Variants in CTSO observed in about 807,000 individuals in gnomAD.
CTSO encodes cathepsin O.
CTSO carries 40 observed loss-of-function variants against 42.4 expected under a neutral mutation model. The ratio of observed to expected loss-of-function variants is 0.94; its 90% CI spans 0.73 to 1.23. The LOEUF is 1.23. Ranked by LOEUF, CTSO falls within the 50% of genes most tolerant of loss-of-function variation. The pLI is 0.00. For missense variants in CTSO, 441 were observed against 396.0 expected, an observed-to-expected ratio of 1.11 and a Z score of -0.96; for synonymous variants, 156 against 146.2, an observed-to-expected ratio of 1.07 and a Z score of -0.48.
chr4:155,947,299 A>G (rs1743565717), intron 1 of CTSO, among the ~76,000 whole-genome samples: 1 of 152,234 alleles, frequency 6.6e-6, no homozygotes, highest in African/African-American at 2.4e-5. Context: ...GAAATAAAAT[A>G]ATAATTGGAA....
At chr4:155,934,986 T>C (rs1302019507) in intron 5 of CTSO, among the ~76,000 whole-genome samples, 2 of 152,086 alleles carry the variant, frequency 1.3e-5, no homozygotes, top group South Asian at 2.1e-4. Flanking sequence ...TGGAATGATA[T>C]GGTTTGGGTG....
intron 1 of CTSO, among the ~76,000 whole-genome samples, chr4:155,949,061 A>C (rs1743600673): frequency 6.6e-6 from 1 of 152,230 alleles, no homozygotes; most frequent in African/African-American, 2.4e-5. Context: ...CTACAAGGAA[A>C]GTTCTCAGCC....
chr4:155,938,823 G>A (rs1166199179), intron 4 of CTSO, among the ~76,000 whole-genome samples: 3 of 152,094 alleles, frequency 2.0e-5, no homozygotes, highest in Non-Finnish European at 4.4e-5. Context: ...AAGTGTGGTG[G>A]TGGGCACCTA....
At chr4:155,939,998 G>T (rs567443241) in intron 3 of CTSO, among the ~76,000 whole-genome samples, 1 of 152,240 alleles carries the variant, frequency 6.6e-6, no homozygotes, top group East Asian at 1.9e-4. Context: ...AGGGTGAGGA[G>T]GGGAAAGATG....
intron 7 of CTSO, among the ~76,000 whole-genome samples, chr4:155,926,618 ATCTGCC>A (rs1743133222): frequency 6.6e-6 from 1 of 152,198 alleles, no homozygotes; most frequent in Non-Finnish European, 1.5e-5. Flanking sequence ...ATGAAATACT[ATCTGCC>A]TTATGCCATT....
chr4:155,953,214 T>A (rs1304626656), intron 1 of CTSO, among the ~76,000 whole-genome samples: 1 of 152,198 alleles, frequency 6.6e-6, no homozygotes, highest in Non-Finnish European at 1.5e-5. Flanking sequence ...ATCAGGATTC[T>A]TTAATCTGGC....
intron 1 of CTSO, among the ~76,000 whole-genome samples, chr4:155,950,572 CAGGAGTCTCAAA>C (rs1477627794): frequency 1.3e-5 from 2 of 152,100 alleles, no homozygotes; most frequent in Non-Finnish European, 2.9e-5. Context: ...TAAGGTAGAA[CAGGAGTCTCAAA>C]ACCCTGGGCC....
At chr4:155,932,461 C>T (rs1167150994) in intron 5 of CTSO, among the ~76,000 whole-genome samples, 1 of 152,112 alleles carries the variant, frequency 6.6e-6, no homozygotes, top group Non-Finnish European at 1.5e-5. Context: ...ATAGCAAATG[C>T]TTTGGAAGAC....
rs1354570552 is a variant in CTSO at position 155,931,809 on chromosome 4, AATT to A, written c.675-2107_675-2105del. ...TATTATTATAACGAATTATTATTAT[AATT>A]ATTATTAATCATTGATTAATGAATT... On this transcript the variant is annotated intron_variant, in intron 5 of 7. Coordinates refer to ENST00000433477, the MANE Select transcript of CTSO (RefSeq NM_001334.3). Among the ~76,000 whole-genome samples the A allele has an allele frequency of 9.3e-5, 14 of 150,738 alleles. No homozygotes were observed. The East Asian group carries it at 1.7e-3, about 19-fold the overall frequency.
In CTSO at chr4:155,939,894, T is replaced by C. The variant is rs550846339; in HGVS notation, c.385-356A>G. Among the ~76,000 whole-genome samples, 25 of 152,302 alleles carry C rather than the reference T, an allele frequency of 1.6e-4. 1 individual carries two copies. Among genetic ancestry groups the C allele is most frequent in the African/African-American group, 5.3e-4 (22 of 41,566 alleles). On this transcript the variant is annotated intron_variant, in intron 3 of 7. Coordinates refer to ENST00000433477, the MANE Select transcript of CTSO (RefSeq NM_001334.3). ...TTCTCTTTGTAAGTGGCTTTTCTTC[T>C]GGAGAGTGTGTGCCGACTCCCGCCC...
rs1743721479 is a variant in CTSO, at chr4:155,953,740, G to A, written c.108C>T (p.Ser36=). 1 of 1,276,012 alleles carries A rather than the reference G, an allele frequency of 7.8e-7. No homozygotes were observed. Among genetic ancestry groups the A allele is most frequent in the Non-Finnish European group, 9.9e-7 (1 of 1,012,038 alleles). 79.0% of individuals were successfully genotyped at this position (1,276,012 alleles called of 1,614,324 possible). A position where few individuals can be genotyped will look rare whatever the true frequency, so the allele number is the denominator to read the frequency against. ...GGAAGGCGGCGGCTTCACGCTCGCG[G>A]CTCCGCGGCCAGGTCGGGGTGAAGG... ...RAPFTPTWPR[S]REREAAAFRE... The change falls in exon 1 of 8, where the codon AGC becomes AGT. Residue 36 remains serine (S), a synonymous_variant. Coordinates refer to ENST00000433477, the MANE Select transcript of CTSO (RefSeq NM_001334.3).
intron 1 of CTSO, among the ~76,000 whole-genome samples, chr4:155,945,407 G>A (rs1246038075): frequency 1.3e-5 from 2 of 152,148 alleles, no homozygotes; most frequent in African/African-American, 2.4e-5. Flanking sequence ...ACAATAAATT[G>A]GCAAACTGTA....
intron 3 of CTSO, among the ~76,000 whole-genome samples, chr4:155,941,480 C>T (rs1478263295): frequency 6.6e-6 from 1 of 152,204 alleles, no homozygotes; most frequent in African/African-American, 2.4e-5. Context: ...AGCTGCTGCC[C>T]TGCCAACTCC....
At chr4:155,933,598 G>A (rs544188019) in intron 5 of CTSO, among the ~76,000 whole-genome samples, 3 of 152,268 alleles carry the variant, frequency 2.0e-5, no homozygotes, top group East Asian at 1.9e-4. Flanking sequence ...GAGACTTGTC[G>A]AATGGCTTTC....
intron 5 of CTSO, 130 bp from the exon 6 acceptor site, chr4:155,929,835 A>C (rs1294038061): frequency 1.3e-6 from 1 of 771,652 alleles, no homozygotes; most frequent in East Asian, 2.9e-5. Flanking sequence ...AATGGAAGCT[A>C]AGTCTGAGAG....
chr4:155,936,755 A>G lies in CTSO; in HGVS notation c.674+607T>C, dbSNP rs76883501. On this transcript the variant is annotated intron_variant, in intron 5 of 7. Transcript: ENST00000433477. ...CCTTTTCCTCAGCCTGTCTTTATCT[A>G]TCCCTACATTCCCATCATGCTTATA... Among the ~76,000 whole-genome samples, 8 of 152,274 alleles carry G rather than the reference A, an allele frequency of 5.3e-5. No individual in the cohort carries two copies. In the East Asian group the frequency reaches 1.5e-3, roughly 29 times the overall value.
intron 5 of CTSO, 123 bp from the exon 6 acceptor site, chr4:155,929,828 G>A (rs1008425463): frequency 8.3e-5 from 69 of 836,094 alleles, no homozygotes; most frequent in Non-Finnish European, 7.1e-6. Flanking sequence ...CCTAAACAAT[G>A]GAAGCTAAGT....
rs1560784308 is a variant in CTSO at position 155,929,620 on chromosome 4, G to A, written c.760C>T (p.Leu254=). 6.2e-7 allele frequency: 1 copy of A among 1,613,840 alleles called. No individual in the cohort carries two copies. The highest frequency in any genetic ancestry group is 8.5e-7 in the Non-Finnish European group (1 of 1,179,946). ...CAGTGATGCTGTATAATGCCTCCCA[G>A]ATAATCTTGCCAGCTCACTGCATCT... ...IVDAVSWQDY[L]GGIIQHHCSS... Residue 254 remains leucine (L), a synonymous_variant, in exon 6 of 8, where the codon CTG becomes TTG. Transcript: ENST00000433477.
intron 1 of CTSO, among the ~76,000 whole-genome samples, chr4:155,948,593 A>T (rs1363453192): frequency 6.6e-6 from 1 of 152,224 alleles, no homozygotes; most frequent in African/African-American, 2.4e-5. Flanking sequence ...CAAACAGAGG[A>T]TGGGTTCAGT....
Sources: gnomAD v4.1 joint callset for allele counts (sites outside exome capture counted in the v4.1 genomes callset) on GRCh38, gnomAD v4.1.1 for gene constraint, MANE v1.5 for transcripts, NCBI Gene and HGNC (gene_info 2026-07-23, HGNC 2026-07-21) for gene names.